Variants in HECW1 observed in about 807,000 individuals in gnomAD.
HECW1 encodes HECT, C2 and WW domain containing E3 ubiquitin protein ligase 1.
A neutral mutation model predicts 182.3 loss-of-function variants in HECW1; 61 were observed. That is an observed-to-expected ratio of 0.33 (90% CI 0.27 to 0.41). The LOEUF is 0.41. Among genes scored for constraint, HECW1 ranks in the 10% least tolerant of loss-of-function variants. The pLI is 1.00. For synonymous variants in HECW1, 859 were observed against 832.6 expected, an observed-to-expected ratio of 1.03 and a Z score of -0.55; for missense variants, 1,739 against 2,108.9, an observed-to-expected ratio of 0.82 and a Z score of 3.44.
At chr7:43,186,774 C>A (rs1049377032) in intron 2 of HECW1, among the ~76,000 whole-genome samples, 21 of 152,076 alleles carry the variant, frequency 1.4e-4, no homozygotes, top group African/African-American at 5.1e-4. Context: ...ATTACAATTG[C>A]CTGCAGTATT....
chr7:43,161,307 A>G (rs1220011780), intron 2 of HECW1, among the ~76,000 whole-genome samples: 1 of 151,896 alleles, frequency 6.6e-6, no homozygotes, highest in African/African-American at 2.4e-5. Flanking sequence ...TGGTATTCCT[A>G]TTGGTAATGT....
chr7:43,325,900 C>G (rs1810711212), intron 5 of HECW1, among the ~76,000 whole-genome samples: 2 of 152,206 alleles, frequency 1.3e-5, no homozygotes. Context: ...GCCCCTCAAC[C>G]TTTTTAGCAC....
Position 43,417,582 on chromosome 7 carries a change from G to A in HECW1, c.801+9851G>A, listed in dbSNP as rs895841847. Reference sequence around the variant, plus strand: ...TCAGCACTTGAAAAAATATGGTTCCGCCCAGTGAGGTGGCACACACCTACA... The same window carrying A: ...TCAGCACTTGAAAAAATATGGTTCCACCCAGTGAGGTGGCACACACCTACA... On this transcript the variant is annotated intron_variant, in intron 8 of 29. Coordinates refer to ENST00000395891, the MANE Select transcript of HECW1 (RefSeq NM_015052.5). Among the ~76,000 whole-genome samples the A allele has an allele frequency of 6.6e-5, 10 of 151,944 alleles. 1 individual carries two copies. The highest frequency in any genetic ancestry group is 3.9e-4 in the East Asian group (2 of 5,184).
Position 43,463,766 on chromosome 7 carries a change from G to C in HECW1, c.2758G>C (p.Asp920His). Residue 920 changes from aspartate (D) to histidine (H), a missense_variant, in exon 14 of 30, where the codon GAC (aspartate) becomes CAC (histidine). This residue lies in a region of HECW1 where 971 missense variants were observed against 1,029.1 expected (regional missense o/e 0.94). Transcript: ENST00000395891. ...PAGGGGGGGSDSEAESSQSSL... is the reference protein window; with the variant it reads ...PAGGGGGGGSHSEAESSQSSL... Reference sequence around the variant, plus strand: ...AGGAGGAGGCGGAGGTGGAGGGAGTGACTCAGAAGCCGAATCTTCCCAGTC... The same window carrying C: ...AGGAGGAGGCGGAGGTGGAGGGAGTCACTCAGAAGCCGAATCTTCCCAGTC... The C allele has an allele frequency of 6.2e-7, 1 of 1,614,020 alleles. No individual in the cohort carries two copies.
At chr7:43,531,417 G>A (rs957420457) in intron 24 of HECW1, among the ~76,000 whole-genome samples, 1 of 152,120 alleles carries the variant, frequency 6.6e-6, no homozygotes, top group Admixed American at 6.5e-5. Context: ...GAGTACCTTA[G>A]GATCTTCCTA....
intron 3 of HECW1, among the ~76,000 whole-genome samples, chr7:43,267,263 G>C (rs1463839659): frequency 6.6e-6 from 1 of 152,016 alleles, no homozygotes. Flanking sequence ...TTTCAAAAAG[G>C]AGAAATTATT....
intron 7 of HECW1, 102 bp from the exon 8 acceptor site, chr7:43,407,460 T>A: frequency 1.2e-6 from 1 of 827,536 alleles, no homozygotes; most frequent in Non-Finnish European, 1.9e-6. Context: ...AGAGATCTAG[T>A]TCATAAGGGC....
intron 8 of HECW1, among the ~76,000 whole-genome samples, chr7:43,424,492 G>T (rs565706465): frequency 6.6e-6 from 1 of 152,170 alleles, no homozygotes; most frequent in African/African-American, 2.4e-5. Context: ...GCCTGGTGTT[G>T]TGTGCCTGTA....
At chr7:43,387,736 T>G (rs1347243606) in intron 6 of HECW1, among the ~76,000 whole-genome samples, 1 of 152,258 alleles carries the variant, frequency 6.6e-6, no homozygotes, top group East Asian at 1.9e-4. Context: ...CCACAGTGAA[T>G]GGAGGGTTCA....
intron 22 of HECW1, 120 bp downstream of exon 22, chr7:43,507,377 C>T: frequency 1.1e-6 from 1 of 942,938 alleles, no homozygotes; most frequent in East Asian, 2.9e-5. Context: ...TGGTTATGGT[C>T]TGAAGCGGGG....
chr7:43,188,416 A>C (rs1793609586), intron 2 of HECW1, among the ~76,000 whole-genome samples: 1 of 151,870 alleles, frequency 6.6e-6, no homozygotes, highest in African/African-American at 2.4e-5. Flanking sequence ...TTAGTGGTTA[A>C]ACTCAAGCAC....
Position 43,500,736 on chromosome 7 carries a change from G to C in HECW1, c.3475G>C (p.Gly1159Arg). 2 of 1,613,794 alleles carry C rather than the reference G, an allele frequency of 1.2e-6. No individual in the cohort carries two copies. The highest frequency in any genetic ancestry group is 1.7e-6 in the Non-Finnish European group (2 of 1,179,776). ...IHYIRTEGNH[G>R]LEKLSCDADL... The stretch of plus-strand genomic sequence containing the variant: ...TTACATTCGGACTGAGGGTAATCAC[G>C]GGCTTGAGAAGTTGTCCTGTGATGC... The change falls in exon 20 of 30, where the codon GGG becomes CGG. Residue 1159 changes from glycine to arginine, a missense_variant. By Grantham distance (125) the Gly-to-Arg change is moderately radical. This residue lies in a region of HECW1 where 420 missense variants were observed against 595.7 expected (regional missense o/e 0.71). Coordinates refer to ENST00000395891, the MANE Select transcript of HECW1 (RefSeq NM_015052.5).
chr7:43,308,628 T>TG (rs1491384490), intron 3 of HECW1, among the ~76,000 whole-genome samples: 3 of 139,408 alleles, frequency 2.2e-5, no homozygotes, highest in Non-Finnish European at 4.7e-5. Flanking sequence ...CTTTCTGTAA[T>TG]TTTTTTTTTT....
At chr7:43,196,912 G>T (rs1794512243) in intron 2 of HECW1, among the ~76,000 whole-genome samples, 1 of 151,958 alleles carries the variant, frequency 6.6e-6, no homozygotes, top group African/African-American at 2.4e-5. Flanking sequence ...CCCTGCCCTT[G>T]AGCCATTTTT....
Position 43,437,387 on chromosome 7 carries a change from T to A in HECW1, c.802-616T>A, listed in dbSNP as rs146407370. Among the ~76,000 whole-genome samples, 344 of 152,350 alleles carry A rather than the reference T, an allele frequency of 2.3e-3. 1 individual carries two copies. Among genetic ancestry groups the A allele is most frequent in the African/African-American group, 6.9e-3 (286 of 41,584 alleles). On this transcript the variant is annotated intron_variant, in intron 8 of 29. Coordinates refer to ENST00000395891, the MANE Select transcript of HECW1 (RefSeq NM_015052.5). Reference sequence around the variant, plus strand: ...ATTGTTAGTAATGCTCCAATAAACATCCCTGTTAAATGTATCTTTTGCACA... The same window carrying A: ...ATTGTTAGTAATGCTCCAATAAACAACCCTGTTAAATGTATCTTTTGCACA...
chr7:43,262,028 C>T (rs1801231322), intron 3 of HECW1, among the ~76,000 whole-genome samples: 1 of 152,026 alleles, frequency 6.6e-6, no homozygotes, highest in African/African-American at 2.4e-5. Context: ...CAAGACCAGC[C>T]TGGACAGTAT....
intron 24 of HECW1, among the ~76,000 whole-genome samples, chr7:43,510,404 A>G (rs2079806771): frequency 1.3e-5 from 2 of 152,214 alleles, no homozygotes. Flanking sequence ...ATCTTACCAT[A>G]TAAGACTATG....
At chr7:43,551,687 G>A (rs1237346849) in intron 27 of HECW1, among the ~76,000 whole-genome samples, 2 of 152,116 alleles carry the variant, frequency 1.3e-5, no homozygotes, top group East Asian at 1.9e-4. Context: ...TCTGTTCCCC[G>A]CTCATGAAGG....
intron 3 of HECW1, among the ~76,000 whole-genome samples, chr7:43,289,511 A>G (rs1805112209): frequency 6.6e-6 from 1 of 152,210 alleles, no homozygotes; most frequent in Non-Finnish European, 1.5e-5. Flanking sequence ...ACTTGTCTGA[A>G]TGATAGCTTG....
Sources: allele counts gnomAD v4.1 joint callset (sites outside exome capture counted in the v4.1 genomes callset), GRCh38; gene constraint gnomAD v4.1.1; regional missense constraint gnomAD v4.1.1; transcripts MANE v1.5; gene names NCBI Gene and HGNC (gene_info 2026-07-23, HGNC 2026-07-21).